Variants in ITGA6 observed in about 807,000 individuals in gnomAD.
ITGA6 encodes the protein integrin alpha-6.
In ITGA6, 63 loss-of-function variants were observed where a neutral mutation model predicts 133.6. The ratio of observed to expected loss-of-function variants is 0.47; its 90% CI spans 0.38 to 0.58. The LOEUF is 0.58. Among genes scored for constraint, ITGA6 ranks in the 20% least tolerant of loss-of-function variants. The probability of loss-of-function intolerance (pLI) is 0.00; values close to 1 mark genes in which losing one functional copy is unlikely to be tolerated. For missense variants in ITGA6, 1,068 were observed against 1,309.4 expected (o/e 0.82, Z 2.85); for synonymous variants, 434 against 482.0 (o/e 0.90, Z 1.30).
At chr2:172,470,056 G>T (rs1685853247) in intron 4 of ITGA6, among the ~76,000 whole-genome samples, 1 of 152,198 alleles carries the variant, frequency 6.6e-6, no homozygotes, top group Admixed American at 6.5e-5. Flanking sequence ...CCATGATGAA[G>T]AGAACTGCAT....
chr2:172,476,713 CAT>C (rs1319435873), intron 9 of ITGA6, among the ~76,000 whole-genome samples, 200 bp downstream of exon 9: 3 of 151,970 alleles, frequency 2.0e-5, no homozygotes, highest in African/African-American at 7.3e-5. Flanking sequence ...CTGAGGAAAA[CAT>C]AGATCCAAGT....
Position 172,479,738 on chromosome 2 carries a change from T to C in ITGA6, c.1486T>C (p.Cys496Arg). Reference protein sequence around the residue: ...KTACGAPSGICLQVKSCFEYT... With the variant: ...KTACGAPSGIRLQVKSCFEYT... ...AGCGTGTGGGGCGCCTAGTGGGATA[T>C]GGTGAGCATCCCTCTGTCTTGGTGG... Residue 496 changes from cysteine (C) to arginine (R), a missense_variant and splice_region_variant, in exon 10 of 26, where the codon TGC (cysteine) becomes CGC (arginine). By Grantham distance (180) the Cys-to-Arg change is radical. This residue lies in a region of ITGA6 where 609 missense variants were observed against 707.2 expected (regional missense o/e 0.86). Transcript: ENST00000684293. The C allele has an allele frequency of 1.2e-6, 2 of 1,612,308 alleles. No homozygotes were observed. The highest frequency in any genetic ancestry group is 1.1e-5 in the South Asian group (1 of 90,998).
chr2:172,432,417 C>A (rs1684139979), intron 1 of ITGA6, among the ~76,000 whole-genome samples: 1 of 152,232 alleles, frequency 6.6e-6, no homozygotes, highest in Non-Finnish European at 1.5e-5. Context: ...ACATTCATTT[C>A]TTTGCCTGCT....
chr2:172,485,072 C>T, intron 12 of ITGA6, 49 bp from the exon 13 acceptor site: 1 of 1,605,360 alleles, frequency 6.2e-7, no homozygotes, highest in Non-Finnish European at 8.5e-7. Flanking sequence ...TGGAATTCCC[C>T]AATAGCATGT....
rs2149114018 is a variant in ITGA6 at position 172,506,415 on chromosome 2, T to C, written c.*2347T>C. 1.3e-5 allele frequency: 2 copies of C among 152,290 alleles called. No individual in the cohort carries two copies. Among genetic ancestry groups the C allele is most frequent in the South Asian group, 2.1e-4 (1 of 4,820 alleles). The allele number at this position is 152,290 out of a possible 1,614,324, so 9.4% of individuals were successfully genotyped here. A position where few individuals can be genotyped will look rare whatever the true frequency, so the allele number is the denominator to read the frequency against. On this transcript the variant is annotated 3_prime_UTR_variant, in exon 26 of 26. Coordinates refer to ENST00000684293, the MANE Select transcript of ITGA6 (RefSeq NM_000210.4). ...TGATCCTCAAGTCTTTCATTTTCCT[T>C]CTTTATGATTAAAAGAAACCTACAG...
intron 23 of ITGA6, among the ~76,000 whole-genome samples, chr2:172,496,192 T>C (rs1371343240): frequency 2.6e-5 from 4 of 152,224 alleles, no homozygotes; most frequent in Non-Finnish European, 5.9e-5. Context: ...CCCTTCTTTG[T>C]AGATGTCCCT....
intron 1 of ITGA6, among the ~76,000 whole-genome samples, chr2:172,452,349 C>G (rs1685041232): frequency 6.6e-6 from 1 of 152,138 alleles, no homozygotes. Flanking sequence ...GAGTCAGTGG[C>G]AGCAAGTCTT....
chr2:172,469,576 T>C (rs1685829991), intron 4 of ITGA6, among the ~76,000 whole-genome samples, 196 bp downstream of exon 4: 1 of 152,222 alleles, frequency 6.6e-6, no homozygotes, highest in South Asian at 2.1e-4. Flanking sequence ...TGACATTCTT[T>C]TCCCCTCTAC....
intron 1 of ITGA6, among the ~76,000 whole-genome samples, chr2:172,459,794 A>T (rs373513015): frequency 6.6e-6 from 1 of 152,232 alleles, no homozygotes; most frequent in Non-Finnish European, 1.5e-5. Context: ...CAGGATAGCC[A>T]TGAAGGGCTG....
chr2:172,457,045 A>C (rs1376065291), intron 1 of ITGA6, among the ~76,000 whole-genome samples: 2 of 152,092 alleles, frequency 1.3e-5, no homozygotes, highest in Non-Finnish European at 2.9e-5. Flanking sequence ...TATAATCCTA[A>C]CACTTTGGGA....
chr2:172,439,882 A>T (rs1001978529), intron 1 of ITGA6, among the ~76,000 whole-genome samples: 1 of 152,128 alleles, frequency 6.6e-6, no homozygotes, highest in African/African-American at 2.4e-5. Flanking sequence ...CTTGGAGTTA[A>T]ACTTGTGCCA....
chr2:172,455,259 T>C (rs1011919375), intron 1 of ITGA6, among the ~76,000 whole-genome samples: 6 of 152,222 alleles, frequency 3.9e-5, no homozygotes, highest in African/African-American at 1.4e-4. Flanking sequence ...CACTTGGCAG[T>C]GACGACCTCT....
chr2:172,458,426 G>T (rs977949835), intron 1 of ITGA6, among the ~76,000 whole-genome samples: 1 of 152,002 alleles, frequency 6.6e-6, no homozygotes, highest in Admixed American at 6.6e-5. Context: ...CTTTATAGAA[G>T]TAGATTAGGC....
At position 172,428,034 on chromosome 2, in the gene ITGA6, G is replaced by T. The variant is rs569778873; in HGVS notation, c.182+64G>T. 1.7e-5 allele frequency: 26 copies of T among 1,536,928 alleles called. No homozygotes were observed. The African/African-American group carries it at 3.7e-4, about 22-fold the overall frequency. Reference sequence around the variant, plus strand: ...GGCCTGCGCGCGAGTTGAGGCGAGGGCGCGCCCTGTTCCCGCCGGCCCCGG... The same window carrying T: ...GGCCTGCGCGCGAGTTGAGGCGAGGTCGCGCCCTGTTCCCGCCGGCCCCGG... On this transcript the variant is annotated intron_variant, in intron 1 of 25. Coordinates refer to ENST00000684293, the MANE Select transcript of ITGA6 (RefSeq NM_000210.4).
At chr2:172,434,889 A>C (rs1439239804) in intron 1 of ITGA6, among the ~76,000 whole-genome samples, 1 of 152,124 alleles carries the variant, frequency 6.6e-6, no homozygotes, top group Non-Finnish European at 1.5e-5. Flanking sequence ...AAAGGGGCAC[A>C]CTGGTTAGTT....
chr2:172,466,346 T>A (rs2701267), intron 2 of ITGA6, among the ~76,000 whole-genome samples: 1 of 152,118 alleles, frequency 6.6e-6, no homozygotes, highest in African/African-American at 2.4e-5. Context: ...TGGCCAGGCG[T>A]CGGTGGCTCA....
intron 5 of ITGA6, chr2:172,472,773 G>A: frequency 6.3e-7 from 1 of 1,598,306 alleles, no homozygotes; most frequent in Non-Finnish European, 8.6e-7. Context: ...CATGCGTACA[G>A]GCCTGCTGTT....
chr2:172,430,484 A>G (rs1160504976), intron 1 of ITGA6, among the ~76,000 whole-genome samples: 1 of 152,244 alleles, frequency 6.6e-6, no homozygotes, highest in East Asian at 1.9e-4. Flanking sequence ...TTTAATGAAC[A>G]GAGGACTTTG....
intron 9 of ITGA6, among the ~76,000 whole-genome samples, chr2:172,477,560 C>T (rs73046924): frequency 0.019 from 2,907 of 152,264 alleles, 65 homozygotes; most frequent in African/African-American, 0.051. Context: ...CTCTCCTTGT[C>T]AATACAATAG....
Sources: gnomAD v4.1 joint callset for allele counts (sites outside exome capture counted in the v4.1 genomes callset) on GRCh38, gnomAD v4.1.1 for gene constraint, gnomAD v4.1.1 regional missense constraint, MANE v1.5 for transcripts, NCBI Gene and HGNC (gene_info 2026-07-23, HGNC 2026-07-21) for gene names.